FARP1: variants seen among roughly 807,000 people sequenced by gnomAD.
FARP1 encodes FERM, ARH/RhoGEF and pleckstrin domain protein 1.
FARP1 carries 52 observed loss-of-function variants against 128.8 expected under a neutral mutation model. The ratio of observed to expected loss-of-function variants is 0.40; its 90% CI spans 0.32 to 0.51. FARP1 has a LOEUF of 0.51. Ranked by LOEUF, FARP1 falls within the 20% of genes least tolerant of loss-of-function variation. The pLI is 0.45. For synonymous variants in FARP1, 580 were observed against 551.8 expected (o/e 1.05, Z -0.72); for missense variants, 1,333 against 1,367.9 (o/e 0.97, Z 0.40).
intron 3 of FARP1, among the ~76,000 whole-genome samples, chr13:98,364,139 T>C (rs1410829064): frequency 6.6e-6 from 1 of 152,236 alleles, no homozygotes; most frequent in Non-Finnish European, 1.5e-5. Context: ...ATGATAAAAA[T>C]GCTGCAATTA....
At chr13:98,311,242 T>C (rs374462370) in intron 2 of FARP1, among the ~76,000 whole-genome samples, 11 of 152,314 alleles carry the variant, frequency 7.2e-5, no homozygotes, top group African/African-American at 2.4e-4. Flanking sequence ...ATTTTGCACA[T>C]GGGAAACTGA....
Position 98,176,699 on chromosome 13 carries a change from G to A in FARP1, c.-24+33207G>A. 2 of 1,614,194 alleles carry A rather than the reference G, an allele frequency of 1.2e-6. No homozygotes were observed. The highest frequency in any genetic ancestry group is 1.7e-5 in the Admixed American group (1 of 60,028). ...CGCACAGTGGCGCGCAGATGCCCTGGCGCACGTATGGGGCCCTTCCTCGCC... is the reference window on the plus strand; with the variant it reads ...CGCACAGTGGCGCGCAGATGCCCTGACGCACGTATGGGGCCCTTCCTCGCC... On this transcript the variant is annotated intron_variant, in intron 1 of 26. Coordinates refer to ENST00000319562, the MANE Select transcript of FARP1 (RefSeq NM_005766.4). This position sits in a 1 kb window ranked among gnomAD's most constrained non-coding sequence, Gnocchi z 6.2.
At position 98,190,700 on chromosome 13, in the gene FARP1, T is replaced by A. The variant is rs533392020; in HGVS notation, c.-23-22520T>A. ...TCTCAGCATCCTGAGAAGCTAGGAC[T>A]ATAGGTGCATGCCACCATGCCCAGC... On this transcript the variant is annotated intron_variant, in intron 1 of 26. Coordinates refer to ENST00000319562, the MANE Select transcript of FARP1 (RefSeq NM_005766.4). Among the ~76,000 whole-genome samples, 5 of 151,896 alleles carry A rather than the reference T, an allele frequency of 3.3e-5. No homozygotes were observed. In the South Asian group the frequency reaches 1.0e-3, roughly 32 times the overall value.
chr13:98,325,215 C>G (rs1306929009), intron 2 of FARP1, among the ~76,000 whole-genome samples: 1 of 152,036 alleles, frequency 6.6e-6, no homozygotes, highest in Non-Finnish European at 1.5e-5. Flanking sequence ...GTTTCAACAG[C>G]CTATCTTTCC....
chr13:98,199,945 T>G (rs1879824929), intron 1 of FARP1, among the ~76,000 whole-genome samples: 1 of 152,178 alleles, frequency 6.6e-6, no homozygotes, highest in Non-Finnish European at 1.5e-5. Flanking sequence ...GGTTTCCTGA[T>G]TTTTCTGGAG....
intron 1 of FARP1, among the ~76,000 whole-genome samples, chr13:98,202,375 T>TG (rs1277382062): frequency 1.3e-5 from 2 of 152,256 alleles, no homozygotes; most frequent in African/African-American, 4.8e-5. Context: ...GCTTTCAACA[T>TG]GGGGCACAGA....
chr13:98,265,488 T>G (rs186528750), intron 2 of FARP1, among the ~76,000 whole-genome samples: 3,626 of 149,898 alleles, frequency 0.024, 165 homozygotes, highest in African/African-American at 0.084. Context: ...CCCGGCTAAT[T>G]TTTTGTATTT....
intron 17 of FARP1, among the ~76,000 whole-genome samples, chr13:98,427,813 G>A (rs1308096459): frequency 6.6e-6 from 1 of 152,238 alleles, no homozygotes; most frequent in Admixed American, 6.5e-5. Flanking sequence ...TGCCATGAGC[G>A]TTTATAGCAT....
chr13:98,435,500 G>A (rs1294038465), intron 18 of FARP1, 76 bp from the exon 19 acceptor site: 30 of 1,478,730 alleles, frequency 2.0e-5, no homozygotes, highest in Non-Finnish European at 2.6e-5. Context: ...TCCCTGCAGC[G>A]TTGAGCTGAC....
chr13:98,391,641 C>G (rs1010266834), intron 11 of FARP1, among the ~76,000 whole-genome samples: 1 of 152,194 alleles, frequency 6.6e-6, no homozygotes, highest in African/African-American at 2.4e-5. Context: ...GTGTGCCAGG[C>G]TGTTCCGAGC....
In FARP1 at chr13:98,447,972, C is replaced by T. The variant is rs1017044821; in HGVS notation, c.3057-264C>T. ...TCTCCCCAGCAACCAGAGGCCACCT[C>T]GCTCCTAACTGCTCCAATGGAGCGG... On this transcript the variant is annotated intron_variant, in intron 26 of 26. Transcript: ENST00000319562. 5.7e-5 allele frequency: 29 copies of T among 504,664 alleles called. 1 individual carries two copies. Among genetic ancestry groups the T allele is most frequent in the African/African-American group, 2.9e-4 (15 of 50,918 alleles). The allele number at this position is 504,664 out of a possible 1,614,324, so 31.3% of individuals were successfully genotyped here. A position where few individuals can be genotyped will look rare whatever the true frequency, so the allele number is the denominator to read the frequency against.
Position 98,302,491 on chromosome 13 carries a change from C to T in FARP1, c.172-41271C>T, listed in dbSNP as rs532184568. On this transcript the variant is annotated intron_variant, in intron 2 of 26. Coordinates refer to ENST00000319562, the MANE Select transcript of FARP1 (RefSeq NM_005766.4). ...GCAGATCAGCTTTGCCACACTTCAC[C>T]CTTCCTGGGCGTGCTCAGGCAAAAA... Among the ~76,000 whole-genome samples, 5 of 152,300 alleles carry T rather than the reference C, an allele frequency of 3.3e-5. No homozygotes were observed. The South Asian group carries it at 1.0e-3, about 32-fold the overall frequency.
In FARP1 at chr13:98,263,208, A is replaced by G. The variant is rs529155866; in HGVS notation, c.171+49795A>G. Reference sequence around the variant, plus strand: ...CTTTTAATAGAGATGGGGTTTCTCCATGTTGGTCAGGCTGGTCTCAAACTC... The same window carrying G: ...CTTTTAATAGAGATGGGGTTTCTCCGTGTTGGTCAGGCTGGTCTCAAACTC... On this transcript the variant is annotated intron_variant, in intron 2 of 26. Transcript: ENST00000319562. Among the ~76,000 whole-genome samples, 14 of 152,154 alleles carry G rather than the reference A, an allele frequency of 9.2e-5. No homozygotes were observed. The South Asian group carries it at 2.5e-3, about 27-fold the overall frequency.
chr13:98,218,510 A>G (rs1881226885), intron 2 of FARP1, among the ~76,000 whole-genome samples: 1 of 152,196 alleles, frequency 6.6e-6, no homozygotes, highest in Non-Finnish European at 1.5e-5. Context: ...GTATTTGTGA[A>G]TTCTCCAGAC....
At chr13:98,353,735 G>C (rs1888531700) in intron 3 of FARP1, among the ~76,000 whole-genome samples, 1 of 152,048 alleles carries the variant, frequency 6.6e-6, no homozygotes, top group Non-Finnish European at 1.5e-5. Context: ...TTTAAAGGTT[G>C]AAAAGGAAAA....
At chr13:98,411,270 C>CT (rs1364177298) in intron 15 of FARP1, among the ~76,000 whole-genome samples, 1 of 152,184 alleles carries the variant, frequency 6.6e-6, no homozygotes, top group Non-Finnish European at 1.5e-5. Flanking sequence ...CCTGCTCAGT[C>CT]TTGAAAACAA....
chr13:98,229,503 CTT>C (rs1177929878), intron 2 of FARP1, among the ~76,000 whole-genome samples: 8 of 143,228 alleles, frequency 5.6e-5, no homozygotes, highest in Admixed American at 1.4e-4. Flanking sequence ...TCTCAGATTT[CTT>C]TTTTTTTTTT....
At chr13:98,417,748 T>C (rs919848706) in intron 16 of FARP1, among the ~76,000 whole-genome samples, 3 of 152,204 alleles carry the variant, frequency 2.0e-5, no homozygotes, top group Non-Finnish European at 4.4e-5. Flanking sequence ...TGTGTTGCCG[T>C]GATGCTAGGT....
At chr13:98,215,948 A>C (rs1246221097) in intron 2 of FARP1, among the ~76,000 whole-genome samples, 2 of 151,882 alleles carry the variant, frequency 1.3e-5, no homozygotes, top group African/African-American at 4.8e-5. Flanking sequence ...CTGCCACCAC[A>C]CCCAGCCAAT....
Sources: allele counts gnomAD v4.1 joint callset (sites outside exome capture counted in the v4.1 genomes callset), GRCh38; gene constraint gnomAD v4.1.1; non-coding constraint Gnocchi (gnomAD v3.1); transcripts MANE v1.5; gene names NCBI Gene and HGNC (gene_info 2026-07-23, HGNC 2026-07-21).